The following SEPTIN9 variants were observed in gnomAD, a reference collection of about 807,000 sequenced individuals.
The protein encoded by SEPTIN9 is septin 9, also known as septin-9.
In SEPTIN9, 13 loss-of-function variants were observed where a neutral mutation model predicts 56.6. That is an observed-to-expected ratio of 0.23 (90% CI 0.15 to 0.37). The LOEUF (loss-of-function observed/expected upper bound fraction) is 0.37. SEPTIN9 is among the 10% of genes least tolerant of loss of function. The pLI, the probability that SEPTIN9 is intolerant of heterozygous loss-of-function variation, is 1.00. For synonymous variants in SEPTIN9, 332 were observed against 334.1 expected (o/e 0.99, Z 0.07); for missense variants, 650 against 823.1 (o/e 0.79, Z 2.57).
At chr17:77,344,497 C>T (rs965035676) in intron 2 of SEPTIN9, among the ~76,000 whole-genome samples, 3 of 152,166 alleles carry the variant, frequency 2.0e-5, no homozygotes, top group African/African-American at 7.2e-5. Flanking sequence ...CCAGTGATTC[C>T]ACTTCTAGAT....
At chr17:77,414,533 G>C (rs923121609) in intron 3 of SEPTIN9, among the ~76,000 whole-genome samples, 5 of 149,544 alleles carry the variant, frequency 3.3e-5, no homozygotes, top group Non-Finnish European at 7.4e-5. Context: ...TATCAATCCT[G>C]CCCTCCTCCT....
rs547940870 is a variant in SEPTIN9, at chr17:77,491,407, A to G, written c.1380+548A>G. Among the ~76,000 whole-genome samples the G allele has an allele frequency of 1.1e-4, 17 of 152,058 alleles. No homozygotes were observed. The East Asian group carries it at 3.4e-3, about 30-fold the overall frequency. ...GAGACGAGGTTTTGCCATGTTGCCC[A>G]GGCTGGTCTCTAACCCTTGGGCTCA... On this transcript the variant is annotated intron_variant, in intron 8 of 11. Coordinates refer to ENST00000427177, the MANE Select transcript of SEPTIN9 (RefSeq NM_001113491.2).
chr17:77,327,064 A>C lies in SEPTIN9; in HGVS notation c.76+19867A>C, dbSNP rs745334524. On this transcript the variant is annotated intron_variant, in intron 2 of 11. Coordinates refer to ENST00000427177, the MANE Select transcript of SEPTIN9 (RefSeq NM_001113491.2). This position sits in a 1 kb window ranked among gnomAD's most constrained non-coding sequence, Gnocchi z 5.0. The stretch of plus-strand genomic sequence containing the variant: ...CTAGTAAATTCCATGAGCCCCAGGA[A>C]CATGTGTAAAAGAAAAAAAAAAGAA... 6.6e-6 allele frequency among the ~76,000 whole-genome samples: 1 copy of C among 151,938 alleles called. No homozygotes were observed. The highest frequency in any genetic ancestry group is 1.5e-5 in the Non-Finnish European group (1 of 67,986).
chr17:77,493,736 C>T (rs1432967720), intron 10 of SEPTIN9, among the ~76,000 whole-genome samples: 2 of 151,504 alleles, frequency 1.3e-5, no homozygotes, highest in African/African-American at 4.9e-5. Context: ...GGCCTTCTTC[C>T]CTGTGTCTCT....
In SEPTIN9 at chr17:77,317,403, GC is replaced by G. The variant is rs2032750633; in HGVS notation, c.76+10207del. 6.6e-6 allele frequency among the ~76,000 whole-genome samples: 1 copy of G among 152,212 alleles called. No homozygotes were observed. The highest frequency in any genetic ancestry group is 1.5e-5 in the Non-Finnish European group (1 of 68,034). ...TCTGTATTTACAGTCACTCCCCATT[GC>G]TCGCATTACTGCCCAAGCTCTGCCT... On this transcript the variant is annotated intron_variant, in intron 2 of 11. Transcript: ENST00000427177. This position sits in a 1 kb window ranked among gnomAD's most constrained non-coding sequence, Gnocchi z 4.2.
chr17:77,417,285 T>TC (rs2036538850), intron 3 of SEPTIN9, among the ~76,000 whole-genome samples: 1 of 152,186 alleles, frequency 6.6e-6, no homozygotes, highest in Non-Finnish European at 1.5e-5. Flanking sequence ...GCCTTGTGTG[T>TC]CTCCAGCAGC....
At chr17:77,491,864 G>A (rs1448535966) in intron 8 of SEPTIN9, among the ~76,000 whole-genome samples, 2 of 144,696 alleles carry the variant, frequency 1.4e-5, no homozygotes, top group African/African-American at 5.2e-5. Flanking sequence ...CTTCTTCTCC[G>A]CCACCGTCTG....
rs9899267 is a variant in SEPTIN9 at position 77,453,641 on chromosome 17, A to G, written c.722-28503A>G. ...AAAAAAAGCCTTATCTGGGCCTGGG[A>G]TCTGTCCTCCGAACACTGGGTCCAC... On this transcript the variant is annotated intron_variant, in intron 3 of 11. Coordinates refer to ENST00000427177, the MANE Select transcript of SEPTIN9 (RefSeq NM_001113491.2). This position sits in a 1 kb window ranked among gnomAD's most constrained non-coding sequence, Gnocchi z 4.4. Among the ~76,000 whole-genome samples, 2,733 of 149,122 alleles carry G rather than the reference A, an allele frequency of 0.018. 89 individuals carry two copies. Among genetic ancestry groups the G allele is most frequent in the African/African-American group, 0.064 (2,596 of 40,652 alleles).
chr17:77,360,985 G>A (rs917665167), intron 2 of SEPTIN9, among the ~76,000 whole-genome samples: 7 of 141,174 alleles, frequency 5.0e-5, no homozygotes, highest in East Asian at 2.1e-4. Context: ...GTGCAGTGGT[G>A]TGATCCTGGC....
rs147082085 is a variant in SEPTIN9 at position 77,364,893 on chromosome 17, G to A, written c.77-37166G>A. Among the ~76,000 whole-genome samples, 243 of 152,344 alleles carry A rather than the reference G, an allele frequency of 1.6e-3. 1 individual carries two copies. Among genetic ancestry groups the A allele is most frequent in the South Asian group, 5.6e-3 (27 of 4,832 alleles). ...AGTCTCAGCTGTGCAGGCCCAGGCC[G>A]CTGAGGCTGGCTCCAGAAATTTCTT... On this transcript the variant is annotated intron_variant, in intron 2 of 11. Coordinates refer to ENST00000427177, the MANE Select transcript of SEPTIN9 (RefSeq NM_001113491.2).
chr17:77,466,588 C>T (rs549001866), intron 3 of SEPTIN9: 146 of 985,542 alleles, frequency 1.5e-4, no homozygotes, highest in Non-Finnish European at 1.6e-4. Context: ...CCTGGGTCCT[C>T]GGGAGGAGGA....
intron 3 of SEPTIN9, among the ~76,000 whole-genome samples, chr17:77,448,865 C>A (rs1439667802): frequency 6.6e-6 from 1 of 151,860 alleles, no homozygotes; most frequent in Non-Finnish European, 1.5e-5. Flanking sequence ...CTCACTGCAA[C>A]CTTTGCCTCC....
intron 2 of SEPTIN9, among the ~76,000 whole-genome samples, chr17:77,384,995 C>T (rs770551960): frequency 1.1e-4 from 17 of 152,012 alleles, no homozygotes; most frequent in Non-Finnish European, 2.4e-4. Context: ...TGCAAATTTT[C>T]GGCTTTGTGC....
intron 2 of SEPTIN9, among the ~76,000 whole-genome samples, chr17:77,335,473 T>C (rs2033515064): frequency 6.6e-6 from 1 of 151,482 alleles, no homozygotes; most frequent in Non-Finnish European, 1.5e-5. Context: ...TATTAGTATA[T>C]GTACATATAT....
intron 2 of SEPTIN9, among the ~76,000 whole-genome samples, chr17:77,365,042 T>TCCC (rs1431553686): frequency 1.3e-5 from 2 of 152,198 alleles, no homozygotes; most frequent in Non-Finnish European, 2.9e-5. Context: ...AGAGACGATG[T>TCCC]CCCCAGCCCT....
chr17:77,429,150 G>A lies in SEPTIN9; in HGVS notation c.721+26447G>A. On this transcript the variant is annotated intron_variant, in intron 3 of 11. Transcript: ENST00000427177. This position sits in a 1 kb window ranked among gnomAD's most constrained non-coding sequence, Gnocchi z 5.2. ...GCTCCTGGGGTGGGGACTTGGGGGT[G>A]TGTCTGCAGCTCCTGAGGCCAAGAC... 2 of 471,910 alleles carry A rather than the reference G, an allele frequency of 4.2e-6. No individual in the cohort carries two copies. The allele number at this position is 471,910 out of a possible 1,614,324, so 29.2% of individuals were successfully genotyped here. A position where few individuals can be genotyped will look rare whatever the true frequency, so the allele number is the denominator to read the frequency against.
Position 77,429,285 on chromosome 17 carries a change from A to G in SEPTIN9, c.721+26582A>G. ...TCTGACCGTAATTTTGATGGTGCCG[A>G]TGCCGTCAGCACGCAGGCCTCCTGC... On this transcript the variant is annotated intron_variant, in intron 3 of 11. Coordinates refer to ENST00000427177, the MANE Select transcript of SEPTIN9 (RefSeq NM_001113491.2). The surrounding 1 kb of genome is among the most constrained non-coding windows in gnomAD (Gnocchi z 5.2). 2.1e-6 allele frequency: 1 copy of G among 471,320 alleles called. No individual in the cohort carries two copies. Among genetic ancestry groups the G allele is most frequent in the Non-Finnish European group, 4.4e-6 (1 of 227,168 alleles). 29.2% of individuals were successfully genotyped at this position (471,320 alleles called of 1,614,324 possible).
intron 3 of SEPTIN9, among the ~76,000 whole-genome samples, chr17:77,478,879 C>G (rs2039334396): frequency 6.6e-6 from 1 of 151,150 alleles, no homozygotes; most frequent in African/African-American, 2.4e-5. Context: ...ATACCTGCAA[C>G]AGCAAGGGTG....
chr17:77,298,893 A>G (rs887545746), intron 1 of SEPTIN9, among the ~76,000 whole-genome samples: 15 of 152,218 alleles, frequency 9.9e-5, no homozygotes, highest in Non-Finnish European at 1.6e-4. Flanking sequence ...AACTCACTGC[A>G]GCCTTGAACT....
Sources: gnomAD v4.1 joint callset for allele counts (sites outside exome capture counted in the v4.1 genomes callset) on GRCh38, gnomAD v4.1.1 for gene constraint, Gnocchi (gnomAD v3.1) non-coding constraint, MANE v1.5 for transcripts, NCBI Gene and HGNC (gene_info 2026-07-23, HGNC 2026-07-21) for gene names.